Variants in NXPH1 observed in about 807,000 individuals in gnomAD.
NXPH1 encodes the protein neurexophilin-1.
A neutral mutation model predicts 23.7 loss-of-function variants in NXPH1; 5 were observed. The observed-to-expected ratio is 0.21, with a 90% confidence interval of 0.11 to 0.44. NXPH1 has a LOEUF of 0.44. Ranked by LOEUF, NXPH1 falls within the 20% of genes least tolerant of loss-of-function variation. The probability of loss-of-function intolerance (pLI) is 0.99; values close to 1 mark genes in which losing one functional copy is unlikely to be tolerated. For missense variants in NXPH1, 324 were observed against 321.6 expected (o/e 1.01, Z -0.06); for synonymous variants, 144 against 122.2 (o/e 1.18, Z -1.18).
intron 2 of NXPH1, among the ~76,000 whole-genome samples, chr7:8,748,115 A>G (rs1336083748): frequency 6.6e-6 from 1 of 152,136 alleles, no homozygotes; most frequent in Non-Finnish European, 1.5e-5. Flanking sequence ...CCCAAGGAAT[A>G]TTTTTCCTTT....
intron 2 of NXPH1, among the ~76,000 whole-genome samples, chr7:8,584,084 A>G (rs2107280): frequency 0.32 from 48,102 of 152,074 alleles, 9,053 homozygotes; most frequent in African/African-American, 0.53. Context: ...CTTTACAGAT[A>G]TTAACTCAAT....
intron 2 of NXPH1, among the ~76,000 whole-genome samples, chr7:8,722,703 G>T (rs566243029): frequency 1.3e-5 from 2 of 152,178 alleles, no homozygotes; most frequent in Non-Finnish European, 2.9e-5. Context: ...TGAAGAAGAC[G>T]TTAAATACCA....
intron 2 of NXPH1, among the ~76,000 whole-genome samples, chr7:8,626,356 TG>T (rs1819988611): frequency 6.6e-6 from 1 of 151,782 alleles, no homozygotes; most frequent in Non-Finnish European, 1.5e-5. Context: ...GATGTGTCAG[TG>T]GGATATACTC....
chr7:8,731,922 G>T (rs1363205607), intron 2 of NXPH1, among the ~76,000 whole-genome samples: 1 of 152,228 alleles, frequency 6.6e-6, no homozygotes, highest in South Asian at 2.1e-4. Context: ...GGGCAATGGC[G>T]GGCGCCCCTC....
chr7:8,661,258 A>G (rs1363745440), intron 2 of NXPH1, among the ~76,000 whole-genome samples: 2 of 152,170 alleles, frequency 1.3e-5, no homozygotes, highest in East Asian at 1.9e-4. Flanking sequence ...TTGGAGAACA[A>G]TTTGAACTGA....
intron 2 of NXPH1, among the ~76,000 whole-genome samples, chr7:8,652,071 T>C (rs994994677): frequency 6.6e-6 from 1 of 152,152 alleles, no homozygotes; most frequent in Non-Finnish European, 1.5e-5. Context: ...TTTTTAAGCT[T>C]TCACCAATTT....
intron 2 of NXPH1, among the ~76,000 whole-genome samples, chr7:8,458,048 T>C (rs1392391144): frequency 6.6e-6 from 1 of 152,236 alleles, no homozygotes; most frequent in Non-Finnish European, 1.5e-5. Flanking sequence ...TTGGAACTGA[T>C]GCATTTCAAA....
intron 2 of NXPH1, among the ~76,000 whole-genome samples, chr7:8,722,229 A>T (rs1346404438): frequency 6.6e-6 from 1 of 152,138 alleles, no homozygotes; most frequent in Non-Finnish European, 1.5e-5. Flanking sequence ...GGATTTATTT[A>T]TTTTTGCCTG....
intron 2 of NXPH1, among the ~76,000 whole-genome samples, chr7:8,741,166 T>G (rs1269116873): frequency 6.6e-6 from 1 of 152,184 alleles, no homozygotes; most frequent in Middle Eastern, 3.2e-3. Flanking sequence ...TCTAGCTTAT[T>G]TTACTTAGCA....
At chr7:8,588,096 C>G (rs1819016533) in intron 2 of NXPH1, among the ~76,000 whole-genome samples, 2 of 152,164 alleles carry the variant, frequency 1.3e-5, no homozygotes, top group South Asian at 4.1e-4. Context: ...AGTCAGGAAA[C>G]AACAAATGCT....
intron 2 of NXPH1, among the ~76,000 whole-genome samples, chr7:8,649,895 C>T (rs1408121115): frequency 6.6e-6 from 1 of 152,146 alleles, no homozygotes; most frequent in East Asian, 1.9e-4. Context: ...TGCTATTTTA[C>T]TCTTCATTGC....
chr7:8,581,622 C>T (rs1818874859), intron 2 of NXPH1, among the ~76,000 whole-genome samples: 1 of 152,148 alleles, frequency 6.6e-6, no homozygotes, highest in African/African-American at 2.4e-5. Context: ...CAAATCCAAA[C>T]CATATCCTAA....
chr7:8,622,304 T>C (rs761941259), intron 2 of NXPH1, among the ~76,000 whole-genome samples: 1 of 152,192 alleles, frequency 6.6e-6, no homozygotes, highest in Non-Finnish European at 1.5e-5. Flanking sequence ...TCCCTTTGTA[T>C]AGACAATAAG....
At chr7:8,571,056 CT>C (rs1818637327) in intron 2 of NXPH1, among the ~76,000 whole-genome samples, 1 of 150,488 alleles carries the variant, frequency 6.6e-6, no homozygotes, top group South Asian at 2.1e-4. Context: ...CTAATCTAAT[CT>C]AATCTAATCT....
rs373014205 is a variant in NXPH1, at chr7:8,586,646, TAC to T, written c.54+150893_54+150894del. Among the ~76,000 whole-genome samples the T allele has an allele frequency of 8.7e-3, 1,295 of 149,364 alleles. 14 individuals carry two copies. The highest frequency in any genetic ancestry group is 0.029 in the African/African-American group (1,164 of 40,562). The stretch of plus-strand genomic sequence containing the variant: ...TAATGAATATATATATATATATATA[TAC>T]ACACACACACACATCGAGTAGAAAC... On this transcript the variant is annotated intron_variant, in intron 2 of 2. Transcript: ENST00000405863.
At chr7:8,633,260 G>A (rs1172995670) in intron 2 of NXPH1, among the ~76,000 whole-genome samples, 1 of 152,132 alleles carries the variant, frequency 6.6e-6, no homozygotes, top group Non-Finnish European at 1.5e-5. Context: ...GTGAAACACT[G>A]TGTCTACTAA....
At chr7:8,581,509 G>A (rs1364339614) in intron 2 of NXPH1, among the ~76,000 whole-genome samples, 2 of 152,136 alleles carry the variant, frequency 1.3e-5, no homozygotes, top group Non-Finnish European at 2.9e-5. Flanking sequence ...CACTGTCATG[G>A]AACAGCAAGG....
chr7:8,586,886 A>T (rs1273509878), intron 2 of NXPH1, among the ~76,000 whole-genome samples: 1 of 152,132 alleles, frequency 6.6e-6, no homozygotes, highest in Non-Finnish European at 1.5e-5. Flanking sequence ...AAAGTAAAAC[A>T]CCATGCAATA....
chr7:8,582,080 G>C (rs974843779), intron 2 of NXPH1, among the ~76,000 whole-genome samples: 1 of 152,294 alleles, frequency 6.6e-6, no homozygotes, highest in East Asian at 1.9e-4. Flanking sequence ...CCGGGCACCA[G>C]CACAGGTGCT....
Sources: allele counts gnomAD v4.1 joint callset (sites outside exome capture counted in the v4.1 genomes callset), GRCh38; gene constraint gnomAD v4.1.1; transcripts MANE v1.5; gene names NCBI Gene and HGNC (gene_info 2026-07-23, HGNC 2026-07-21).